Variants in PDGFC observed in about 807,000 individuals in gnomAD.
PDGFC encodes platelet derived growth factor C, also known as platelet-derived growth factor C.
Under a neutral mutation model 35.5 loss-of-function variants are expected in PDGFC, and 12 were observed. That is an observed-to-expected ratio of 0.34 (90% CI 0.22 to 0.55). The LOEUF is 0.55. Ranked by LOEUF, PDGFC falls within the 20% of genes least tolerant of loss-of-function variation. The pLI, the probability that PDGFC is intolerant of heterozygous loss-of-function variation, is 0.91. For synonymous variants in PDGFC, 159 were observed against 148.8 expected (o/e 1.07, Z -0.50); for missense variants, 322 against 412.4 (o/e 0.78, Z 1.90).
intron 2 of PDGFC, among the ~76,000 whole-genome samples, chr4:156,842,539 C>T (rs188780720): frequency 6.6e-6 from 1 of 152,232 alleles, no homozygotes; most frequent in East Asian, 1.9e-4. Flanking sequence ...TATCAGCATT[C>T]TCTTCCTAAA....
intron 3 of PDGFC, among the ~76,000 whole-genome samples, chr4:156,781,065 C>T (rs1730968011): frequency 6.6e-6 from 1 of 152,102 alleles, no homozygotes; most frequent in South Asian, 2.1e-4. Flanking sequence ...TCTATAGTTT[C>T]AAAGCATTGC....
chr4:156,815,426 T>C (rs1319964163), intron 2 of PDGFC, among the ~76,000 whole-genome samples: 3 of 151,898 alleles, frequency 2.0e-5, no homozygotes, highest in South Asian at 2.1e-4. Context: ...ATAGTGAGGA[T>C]AGAAAAAGAA....
chr4:156,779,954 AGTC>A (rs1027391087), intron 3 of PDGFC, among the ~76,000 whole-genome samples: 4 of 152,158 alleles, frequency 2.6e-5, no homozygotes, highest in Non-Finnish European at 5.9e-5. Context: ...TTGGCTGGTG[AGTC>A]AGAGTCAATA....
chr4:156,870,890 G>A (rs141859198), intron 1 of PDGFC, among the ~76,000 whole-genome samples: 88 of 152,204 alleles, frequency 5.8e-4, no homozygotes, highest in African/African-American at 1.9e-3. Flanking sequence ...TCTGTAAAGC[G>A]ATTGGAAAGT....
At chr4:156,785,160 G>T (rs1731088975) in intron 3 of PDGFC, among the ~76,000 whole-genome samples, 1 of 152,130 alleles carries the variant, frequency 6.6e-6, no homozygotes, top group Admixed American at 6.5e-5. Flanking sequence ...ATTCTGCATA[G>T]GCAGAGACTA....
At position 156,903,132 on chromosome 4, in the gene PDGFC, T is replaced by TTGTGTGC. The variant is rs1553975813; in HGVS notation, c.119-52717_119-52716insGCACACA. On this transcript the variant is annotated intron_variant, in intron 1 of 5. Transcript: ENST00000502773. ...GTGTGTGTGTGTGTGTGTGTGTGTG[T>TTGTGTGC]ATAAACTAGATCACATATGTATTAC... is the stretch of plus-strand genomic sequence containing the variant. Among the ~76,000 whole-genome samples the TTGTGTGC allele has an allele frequency of 1.6e-3, 235 of 150,622 alleles. 4 individuals are homozygous for TTGTGTGC. The East Asian group carries it at 0.041, about 26-fold the overall frequency.
At chr4:156,820,057 G>A (rs1362553110) in intron 2 of PDGFC, among the ~76,000 whole-genome samples, 2 of 152,208 alleles carry the variant, frequency 1.3e-5, no homozygotes, top group African/African-American at 2.4e-5. Context: ...ACAGGTAACT[G>A]AATTGCTGCA....
chr4:156,830,240 G>A (rs1365855756), intron 2 of PDGFC, among the ~76,000 whole-genome samples: 1 of 149,914 alleles, frequency 6.7e-6, no homozygotes, highest in Non-Finnish European at 1.5e-5. Context: ...TTGAAGACAG[G>A]AATTGCATTA....
intron 3 of PDGFC, among the ~76,000 whole-genome samples, chr4:156,798,165 T>C (rs1420040869): frequency 1.3e-5 from 2 of 151,986 alleles, no homozygotes; most frequent in African/African-American, 2.4e-5. Context: ...GCACTCCAGC[T>C]TGGGCGACAG....
intron 3 of PDGFC, among the ~76,000 whole-genome samples, chr4:156,799,725 A>G (rs1002119012): frequency 6.6e-6 from 1 of 152,204 alleles, no homozygotes; most frequent in Non-Finnish European, 1.5e-5. Context: ...AATATTGATG[A>G]AATATGACTG....
At chr4:156,911,417 G>A (rs977354844) in intron 1 of PDGFC, among the ~76,000 whole-genome samples, 22 of 151,738 alleles carry the variant, frequency 1.4e-4, no homozygotes, top group Non-Finnish European at 7.4e-5. Flanking sequence ...CTTCTCTTTC[G>A]AGAAGAAATA....
chr4:156,810,824 A>G lies in PDGFC; in HGVS notation c.495+13T>C. 1 of 1,524,394 alleles carries G rather than the reference A, an allele frequency of 6.6e-7. No homozygotes were observed. Among genetic ancestry groups the G allele is most frequent in the Non-Finnish European group, 9.0e-7 (1 of 1,113,750 alleles). 94.4% of individuals were successfully genotyped at this position (1,524,394 alleles called of 1,614,324 possible). On this transcript the variant is annotated intron_variant, in intron 3 of 5. Coordinates refer to ENST00000502773, the MANE Select transcript of PDGFC (RefSeq NM_016205.3). ...GATCCAATTAAATAAGGGGATCTGAAAGTGGTACTTACTGGCATGACAATG... is the reference window on the plus strand; with the variant it reads ...GATCCAATTAAATAAGGGGATCTGAGAGTGGTACTTACTGGCATGACAATG...
intron 1 of PDGFC, among the ~76,000 whole-genome samples, chr4:156,923,999 G>A (rs1731349445): frequency 6.6e-6 from 1 of 152,098 alleles, no homozygotes; most frequent in African/African-American, 2.4e-5. Context: ...CTATTCCTGA[G>A]AAGAAATGGC....
Position 156,804,151 on chromosome 4 carries a change from T to C in PDGFC, c.495+6686A>G, listed in dbSNP as rs140951404. ...TTCTAATCTATTCATATAAAATTCATTTGTTTGAATATAAAAAAATTCACC... is the reference window on the plus strand; with the variant it reads ...TTCTAATCTATTCATATAAAATTCACTTGTTTGAATATAAAAAAATTCACC... On this transcript the variant is annotated intron_variant, in intron 3 of 5. Transcript: ENST00000502773. Among the ~76,000 whole-genome samples, 35 of 152,200 alleles carry C rather than the reference T, an allele frequency of 2.3e-4. No homozygotes were observed. In the East Asian group the frequency reaches 6.6e-3, roughly 28 times the overall value.
chr4:156,824,405 CAT>C lies in PDGFC; in HGVS notation c.315-13390_315-13389del, dbSNP rs1390706219. On this transcript the variant is annotated intron_variant, in intron 2 of 5. Coordinates refer to ENST00000502773, the MANE Select transcript of PDGFC (RefSeq NM_016205.3). ...ACATACACACACATATATATACACA[CAT>C]ATATACACACACACATATATATACA... 2.7e-5 allele frequency among the ~76,000 whole-genome samples: 4 copies of C among 148,990 alleles called. No individual in the cohort carries two copies. The Admixed American group carries it at 2.7e-4, about 10-fold the overall frequency.
intron 5 of PDGFC, among the ~76,000 whole-genome samples, chr4:156,766,311 C>A (rs1163360557): frequency 6.6e-6 from 1 of 152,024 alleles, no homozygotes; most frequent in Non-Finnish European, 1.5e-5. Context: ...TCTGAAAATT[C>A]TTATGTGGAA....
chr4:156,808,707 A>G (rs558165854), intron 3 of PDGFC, among the ~76,000 whole-genome samples: 11 of 152,094 alleles, frequency 7.2e-5, no homozygotes, highest in African/African-American at 2.6e-4. Context: ...TGATAATTCA[A>G]AACATTCTGC....
chr4:156,946,830 T>C (rs1005296728), intron 1 of PDGFC, among the ~76,000 whole-genome samples: 11 of 152,024 alleles, frequency 7.2e-5, no homozygotes, highest in African/African-American at 2.7e-4. Flanking sequence ...CATGTTTTCA[T>C]ATGTGTTAAG....
At chr4:156,777,192 T>C (rs955176609) in intron 3 of PDGFC, among the ~76,000 whole-genome samples, 2 of 152,100 alleles carry the variant, frequency 1.3e-5, no homozygotes, top group African/African-American at 4.8e-5. Flanking sequence ...CTTTAAGACA[T>C]CAAATATCCT....
Sources: gnomAD v4.1 joint callset for allele counts (sites outside exome capture counted in the v4.1 genomes callset) on GRCh38, gnomAD v4.1.1 for gene constraint, MANE v1.5 for transcripts, NCBI Gene and HGNC (gene_info 2026-07-23, HGNC 2026-07-21) for gene names.